Variants in ASIC2 observed in about 807,000 individuals in gnomAD.
The protein encoded by ASIC2 is acid sensing ion channel subunit 2, also known as acid-sensing ion channel 2.
ASIC2 carries 25 observed loss-of-function variants against 57.3 expected under a neutral mutation model. That is an observed-to-expected ratio of 0.44 (90% confidence interval 0.32 to 0.61). The LOEUF is 0.61. Among genes scored for constraint, ASIC2 ranks in the 20% least tolerant of loss-of-function variants. The pLI is 0.06. For synonymous variants in ASIC2, 319 were observed against 307.5 expected, an observed-to-expected ratio of 1.04 and a Z score of -0.39; for missense variants, 641 against 738.1, an observed-to-expected ratio of 0.87 and a Z score of 1.52.
chr17:33,999,715 C>T (rs1906273245), intron 1 of ASIC2, among the ~76,000 whole-genome samples: 1 of 152,048 alleles, frequency 6.6e-6, no homozygotes, highest in Non-Finnish European at 1.5e-5. Flanking sequence ...TATTGTATAT[C>T]CATTAATAAA....
At position 33,709,301 on chromosome 17, in the gene ASIC2, T is replaced by C. The variant is rs757693397; in HGVS notation, c.555+446677A>G. Among the ~76,000 whole-genome samples the C allele has an allele frequency of 4.6e-5, 7 of 152,354 alleles. No homozygotes were observed. The South Asian group carries it at 8.3e-4, about 18-fold the overall frequency. ...GCCCTCCTCCCACAGAAGATATCCA[T>C]GTCTGAATCCCCAGAAACTGTGAAT... On this transcript the variant is annotated intron_variant, in intron 1 of 9. Transcript: ENST00000359872.
chr17:33,029,314 T>C (rs7502502), intron 3 of ASIC2, among the ~76,000 whole-genome samples: 1 of 152,232 alleles, frequency 6.6e-6, no homozygotes, highest in South Asian at 2.1e-4. Flanking sequence ...ATCACGGTTA[T>C]GAATTCTCTC....
intron 1 of ASIC2, among the ~76,000 whole-genome samples, chr17:33,540,213 G>A (rs1020988405): frequency 2.0e-5 from 3 of 152,198 alleles, no homozygotes; most frequent in Admixed American, 1.3e-4. Flanking sequence ...CATTTTCTGT[G>A]TATCTTCACA....
Position 33,292,082 on chromosome 17 carries a change from C to T in ASIC2, c.34G>A (p.Ala12Thr). The T allele has an allele frequency of 9.4e-7, 1 of 1,060,188 alleles. No individual in the cohort carries two copies. The highest frequency in any genetic ancestry group is 1.1e-6 in the Non-Finnish European group (1 of 881,272). The allele number at this position is 1,060,188 out of a possible 1,614,324, so 65.7% of individuals were successfully genotyped here. ...AAGCGTCCCGGGCCGGTGAGCGCGGCTGCGGGCAGCCCGGCTCCGCCAATC... is the reference window on the plus strand; with the variant it reads ...AAGCGTCCCGGGCCGGTGAGCGCGGTTGCGGGCAGCCCGGCTCCGCCAATC... Reference protein sequence around the residue: ...SRIGGAGLPAAALTGPGRFRM... With the variant: ...SRIGGAGLPATALTGPGRFRM... The change falls in exon 1 of 10, where the codon GCC (alanine) becomes ACC (threonine). Residue 12 changes from alanine to threonine, a missense_variant. Physicochemically the swap from Ala to Thr is moderately conservative, Grantham distance 58. This residue lies in a region of ASIC2 where 382 missense variants were observed against 398.0 expected (regional missense o/e 0.96). Transcript: ENST00000225823.
intron 1 of ASIC2, among the ~76,000 whole-genome samples, chr17:33,967,686 C>T (rs895980326): frequency 6.6e-6 from 1 of 152,184 alleles, no homozygotes; most frequent in Non-Finnish European, 1.5e-5. Flanking sequence ...TACGCCATAG[C>T]AAAATGGGTA....
intron 1 of ASIC2, among the ~76,000 whole-genome samples, chr17:33,743,575 T>C (rs1287555880): frequency 6.6e-6 from 1 of 152,278 alleles, no homozygotes; most frequent in African/African-American, 2.4e-5. Context: ...CCCTCCATAA[T>C]ACAGGTGAGC....
intron 3 of ASIC2, among the ~76,000 whole-genome samples, chr17:33,035,922 TCTTAA>T (rs1251229266): frequency 1.3e-5 from 2 of 152,212 alleles, no homozygotes; most frequent in African/African-American, 2.4e-5. Flanking sequence ...ATTTCTGGTT[TCTTAA>T]CTTAATGCCT....
At chr17:33,790,039 T>C (rs1403684084) in intron 1 of ASIC2, among the ~76,000 whole-genome samples, 1 of 152,240 alleles carries the variant, frequency 6.6e-6, no homozygotes, top group Non-Finnish European at 1.5e-5. Context: ...ACATGGAAAG[T>C]TGTATAATGA....
intron 3 of ASIC2, among the ~76,000 whole-genome samples, chr17:33,058,691 G>GTAAAT (rs1479372252): frequency 1.4e-4 from 21 of 151,750 alleles, no homozygotes; most frequent in African/African-American, 4.8e-4. Context: ...AAAATCTTTG[G>GTAAAT]GAAAATACAT....
chr17:33,469,349 A>G (rs1912966637), intron 1 of ASIC2, among the ~76,000 whole-genome samples: 1 of 152,186 alleles, frequency 6.6e-6, no homozygotes, highest in Admixed American at 6.5e-5. Flanking sequence ...GGAATGGGGC[A>G]GTAGGCAGGG....
intron 1 of ASIC2, among the ~76,000 whole-genome samples, chr17:33,427,887 A>C (rs1043342953): frequency 8.5e-5 from 13 of 152,244 alleles, no homozygotes; most frequent in Admixed American, 6.5e-4. Context: ...AGGCTGGGCC[A>C]TAAAACACAC....
At chr17:33,308,624 A>G (rs1490970756) in intron 1 of ASIC2, among the ~76,000 whole-genome samples, 1 of 152,218 alleles carries the variant, frequency 6.6e-6, no homozygotes, top group Non-Finnish European at 1.5e-5. Flanking sequence ...GAATGAATGA[A>G]AGATGAATGA....
chr17:33,150,592 G>C (rs1904744602), intron 1 of ASIC2, among the ~76,000 whole-genome samples: 1 of 152,082 alleles, frequency 6.6e-6, no homozygotes. Flanking sequence ...GTTCATGCCT[G>C]TAATCCCAGC....
chr17:33,258,760 TGAA>T (rs1909173827), intron 1 of ASIC2, among the ~76,000 whole-genome samples: 1 of 152,176 alleles, frequency 6.6e-6, no homozygotes, highest in Non-Finnish European at 1.5e-5. Context: ...TAAAGCTCAG[TGAA>T]GTTAAATAAC....
chr17:33,527,410 A>C (rs1422133631), intron 1 of ASIC2, among the ~76,000 whole-genome samples: 1 of 151,934 alleles, frequency 6.6e-6, no homozygotes, highest in African/African-American at 2.4e-5. Flanking sequence ...CTCGAAGCCT[A>C]ATCAACTCTG....
chr17:33,023,067 C>A (rs2141898370), intron 6 of ASIC2, among the ~76,000 whole-genome samples: 1 of 152,230 alleles, frequency 6.6e-6, no homozygotes, highest in Admixed American at 6.5e-5. Flanking sequence ...CCATGTCTGG[C>A]TGGAGATGAC....
At chr17:34,009,061 T>C (rs1371809344) in intron 1 of ASIC2, among the ~76,000 whole-genome samples, 1 of 152,174 alleles carries the variant, frequency 6.6e-6, no homozygotes, top group Non-Finnish European at 1.5e-5. Context: ...AATGCAAATA[T>C]TTAGCACAGT....
chr17:33,279,927 G>A (rs1302206734), intron 1 of ASIC2, among the ~76,000 whole-genome samples: 1 of 152,168 alleles, frequency 6.6e-6, no homozygotes, highest in African/African-American at 2.4e-5. Context: ...ACAGAGCCAT[G>A]TATATAGTAG....
chr17:33,814,805 G>A (rs933883128), intron 1 of ASIC2, among the ~76,000 whole-genome samples: 1 of 151,122 alleles, frequency 6.6e-6, no homozygotes, highest in African/African-American at 2.4e-5. Context: ...ACAGACATGT[G>A]TGCACACACA....
Sources: gnomAD v4.1 joint callset for allele counts (sites outside exome capture counted in the v4.1 genomes callset) on GRCh38, gnomAD v4.1.1 for gene constraint, gnomAD v4.1.1 regional missense constraint, MANE v1.5 for transcripts, NCBI Gene and HGNC (gene_info 2026-07-23, HGNC 2026-07-21) for gene names.